EPHB1: variants seen among roughly 807,000 people sequenced by gnomAD.
EPHB1 encodes the protein EPH receptor B1, also known as ephrin type-B receptor 1.
Under a neutral mutation model 94.4 loss-of-function variants are expected in EPHB1, and 30 were observed. The ratio of observed to expected loss-of-function variants is 0.32; its 90% CI spans 0.24 to 0.43. The LOEUF (loss-of-function observed/expected upper bound fraction) is 0.43, where lower values mean the gene tolerates loss of function less well. EPHB1 is among the 20% of genes least tolerant of loss of function. The pLI, the probability that EPHB1 is intolerant of heterozygous loss-of-function variation, is 1.00. For synonymous variants in EPHB1, 522 were observed against 489.1 expected, an observed-to-expected ratio of 1.07 and a Z score of -0.89; for missense variants, 1,055 against 1,308.3, an observed-to-expected ratio of 0.81 and a Z score of 2.99.
intron 1 of EPHB1, among the ~76,000 whole-genome samples, chr3:134,864,298 G>T (rs1043318584): frequency 6.6e-6 from 1 of 152,168 alleles, no homozygotes. Flanking sequence ...AAGGCCAGGG[G>T]TCTCATTCCA....
At chr3:134,963,653 C>T (rs936324) in intron 3 of EPHB1, among the ~76,000 whole-genome samples, 7 of 151,844 alleles carry the variant, frequency 4.6e-5, no homozygotes, top group East Asian at 1.9e-4. Context: ...ACCGAGGCAC[C>T]GAGAAGGTAA....
intron 3 of EPHB1, among the ~76,000 whole-genome samples, chr3:134,992,578 C>A (rs1934851004): frequency 6.6e-6 from 1 of 152,226 alleles, no homozygotes; most frequent in South Asian, 2.1e-4. Context: ...GTGATCCCTG[C>A]ACAGCGGAAG....
intron 3 of EPHB1, among the ~76,000 whole-genome samples, chr3:134,971,025 C>T (rs1323311017): frequency 2.0e-5 from 3 of 152,180 alleles, no homozygotes. Flanking sequence ...AATCAGCCCT[C>T]AATCCTGGGT....
chr3:134,850,671 A>AT, intron 1 of EPHB1, among the ~76,000 whole-genome samples: 1 of 152,356 alleles, frequency 6.6e-6, no homozygotes, highest in East Asian at 1.9e-4. Flanking sequence ...CGGGCAGTTC[A>AT]TGCCAGCCCC....
chr3:135,131,626 A>G (rs1466959491), intron 4 of EPHB1, among the ~76,000 whole-genome samples: 2 of 152,216 alleles, frequency 1.3e-5, no homozygotes. Context: ...CAGATTCTCC[A>G]ACTTAATCTC....
intron 11 of EPHB1, among the ~76,000 whole-genome samples, chr3:135,193,422 T>A (rs761571591): frequency 5.3e-5 from 8 of 152,186 alleles, no homozygotes; most frequent in Non-Finnish European, 1.2e-4. Context: ...CTGTAAAAGA[T>A]CATTGTCAGA....
chr3:134,814,848 T>C (rs1016235838), intron 1 of EPHB1, among the ~76,000 whole-genome samples: 4 of 152,208 alleles, frequency 2.6e-5, no homozygotes, highest in African/African-American at 9.6e-5. Flanking sequence ...CGGTCTTCTT[T>C]GGTGTCACCA....
intron 10 of EPHB1, among the ~76,000 whole-genome samples, chr3:135,181,679 C>A (rs1942155727): frequency 6.6e-6 from 1 of 152,072 alleles, no homozygotes; most frequent in Non-Finnish European, 1.5e-5. Flanking sequence ...CAGCCCCACC[C>A]CCACCTGCTT....
intron 2 of EPHB1, among the ~76,000 whole-genome samples, chr3:134,950,960 G>A (rs1439656556): frequency 2.0e-5 from 3 of 152,194 alleles, no homozygotes; most frequent in Admixed American, 6.5e-5. Context: ...GGATTTCCAA[G>A]GTGTGGATGT....
intron 1 of EPHB1, among the ~76,000 whole-genome samples, chr3:134,833,740 G>A (rs2036620933): frequency 6.6e-6 from 1 of 152,140 alleles, no homozygotes; most frequent in Admixed American, 6.5e-5. Flanking sequence ...GGCATGAGGA[G>A]GTGAAGAGCA....
intron 14 of EPHB1, 52 bp from the exon 15 acceptor site, chr3:135,249,284 T>C: frequency 1.3e-6 from 2 of 1,552,800 alleles, no homozygotes; most frequent in East Asian, 2.3e-5. Context: ...ACTGGGGCAC[T>C]GTCCATGCAT....
At chr3:134,914,423 C>T (rs72971627) in intron 1 of EPHB1, among the ~76,000 whole-genome samples, 6,067 of 152,296 alleles carry the variant, frequency 0.04, 171 homozygotes, top group African/African-American at 0.069. Flanking sequence ...GAGCCTTAGA[C>T]GTCTGAGTAA....
chr3:135,070,771 A>G (rs1271128656), intron 3 of EPHB1, among the ~76,000 whole-genome samples: 1 of 152,158 alleles, frequency 6.6e-6, no homozygotes, highest in African/African-American at 2.4e-5. Flanking sequence ...ATTTTAAGAC[A>G]AATGTTTCAT....
At chr3:134,961,181 T>C (rs973972860) in intron 3 of EPHB1, among the ~76,000 whole-genome samples, 24 of 152,234 alleles carry the variant, frequency 1.6e-4, no homozygotes, top group African/African-American at 5.8e-4. Flanking sequence ...TCCAGGAATA[T>C]GCTGCATTCT....
At chr3:135,005,312 C>T (rs538421657) in intron 3 of EPHB1, among the ~76,000 whole-genome samples, 206 of 152,360 alleles carry the variant, frequency 1.4e-3, no homozygotes, top group African/African-American at 4.6e-3. Flanking sequence ...GCAGTCTGCC[C>T]ATTCTCAGAT....
chr3:135,035,992 T>G (rs1355015508), intron 3 of EPHB1, among the ~76,000 whole-genome samples: 1 of 152,220 alleles, frequency 6.6e-6, no homozygotes, highest in Admixed American at 6.5e-5. Context: ...GAGCTAACAT[T>G]CATTTATCTA....
chr3:134,967,062 T>C (rs563001181), intron 3 of EPHB1, among the ~76,000 whole-genome samples: 2 of 152,242 alleles, frequency 1.3e-5, no homozygotes, highest in South Asian at 4.2e-4. Context: ...AAGACCAACT[T>C]TGGAGAGCTG....
intron 2 of EPHB1, among the ~76,000 whole-genome samples, chr3:134,933,290 GC>G (rs2038938020): frequency 6.6e-6 from 1 of 152,032 alleles, no homozygotes; most frequent in Admixed American, 6.6e-5. Context: ...TCATCTGTAT[GC>G]CCTGGAGAAG....
intron 3 of EPHB1, among the ~76,000 whole-genome samples, chr3:135,079,896 G>A (rs1258825448): frequency 6.6e-6 from 1 of 152,038 alleles, no homozygotes; most frequent in Non-Finnish European, 1.5e-5. Flanking sequence ...CTGGAGTGTT[G>A]AGTAGACATG....
Sources: gnomAD v4.1 joint callset for allele counts (sites outside exome capture counted in the v4.1 genomes callset) on GRCh38, gnomAD v4.1.1 for gene constraint, MANE v1.5 for transcripts, NCBI Gene and HGNC (gene_info 2026-07-23, HGNC 2026-07-21) for gene names.